The following HK1 variants were observed in gnomAD, a reference collection of about 807,000 sequenced individuals.
HK1 encodes the protein hexokinase-1.
HK1 carries 28 observed loss-of-function variants against 91.6 expected under a neutral mutation model. That is an observed-to-expected ratio of 0.31 (90% confidence interval 0.23 to 0.42). The LOEUF (loss-of-function observed/expected upper bound fraction) is 0.42, where lower values mean the gene tolerates loss of function less well. Ranked by LOEUF, HK1 falls within the 10% of genes least tolerant of loss-of-function variation. The pLI, the probability that HK1 is intolerant of heterozygous loss-of-function variation, is 1.00. For synonymous variants in HK1, 430 were observed against 468.1 expected (o/e 0.92, Z 1.05); for missense variants, 770 against 1,219.8 (o/e 0.63, Z 5.49).
At chr10:69,280,350 T>C (rs10762273) in intron 1 of HK1, among the ~76,000 whole-genome samples, 108,054 of 151,972 alleles carry the variant, frequency 0.71, 38,793 homozygotes, top group East Asian at 0.94. Context: ...ACCTCCTGAC[T>C]TTGTGATTTG....
chr10:69,313,688 G>A (rs1176844144), upstream of HK1, among the ~76,000 whole-genome samples: 1 of 152,000 alleles, frequency 6.6e-6, no homozygotes, highest in Non-Finnish European at 1.5e-5. Context: ...GTAGAGATGG[G>A]GTTTCTCCAT....
intron 3 of HK1, among the ~76,000 whole-genome samples, chr10:69,289,460 AATTTTTTTTTTTTTT>A (rs1564755546): frequency 1.1e-5 from 1 of 93,658 alleles, no homozygotes. Context: ...TAAAAAAAAA[AATTTTTTTTTTTTTT>A]TTTTTTTTTT....
chr10:69,368,466 C>A, intron 4 of HK1, 70 bp from the exon 5 acceptor site: 3 of 1,319,950 alleles, frequency 2.3e-6, no homozygotes, highest in Non-Finnish European at 3.3e-6. Flanking sequence ...TGTCCTGGAG[C>A]AATGCCCAGG....
At chr10:69,293,790 G>A (rs1411023049) in intron 3 of HK1, among the ~76,000 whole-genome samples, 1 of 151,986 alleles carries the variant, frequency 6.6e-6, no homozygotes, top group African/African-American at 2.4e-5. Flanking sequence ...TTCACATAGT[G>A]GTGGTTGCAA....
chr10:69,384,952 C>G (rs757312580), intron 12 of HK1, 37 bp downstream of exon 12: 22 of 1,613,402 alleles, frequency 1.4e-5, no homozygotes, highest in Non-Finnish European at 1.8e-5. Context: ...GATCGGGCAG[C>G]ACTGAGTCCC....
intron 1 of HK1, among the ~76,000 whole-genome samples, chr10:69,276,116 A>ATATATATATATAT (rs1369009775): frequency 4.7e-4 from 20 of 42,556 alleles, no homozygotes; most frequent in East Asian, 1.5e-3. Context: ...AAAAAAAAAA[A>ATATATATATATAT]AAATACATAT....
intron 2 of HK1, among the ~76,000 whole-genome samples, chr10:69,345,476 T>A (rs1848501192): frequency 6.6e-6 from 1 of 152,136 alleles, no homozygotes; most frequent in Non-Finnish European, 1.5e-5. Context: ...CACTGGAACC[T>A]TTCCAGGATG....
At position 69,380,140 on chromosome 10, in the gene HK1, G is replaced by A; in HGVS notation, c.1265+45G>A. ...TCATTGGCACTCTGTACCCATTGTG[G>A]GTAGGGACCTTCTCCAGAGATCAGA... On this transcript the variant is annotated intron_variant, in intron 9 of 17. Transcript: ENST00000359426. This position sits in a 1 kb window ranked among gnomAD's most constrained non-coding sequence, Gnocchi z 4.0. The A allele has an allele frequency of 6.8e-7, 1 of 1,474,894 alleles. No homozygotes were observed. Among genetic ancestry groups the A allele is most frequent in the South Asian group, 1.1e-5 (1 of 88,166 alleles). 91.4% of individuals were successfully genotyped at this position (1,474,894 alleles called of 1,614,324 possible). A position where few individuals can be genotyped will look rare whatever the true frequency, so the allele number is the denominator to read the frequency against.
chr10:69,296,984 C>T (rs1483553675), intron 4 of HK1, among the ~76,000 whole-genome samples: 1 of 151,866 alleles, frequency 6.6e-6, no homozygotes, highest in Non-Finnish European at 1.5e-5. Flanking sequence ...GATCTACTTC[C>T]CAGTGGGAAG....
At chr10:69,386,615 C>G (rs2132907626) in intron 13 of HK1, 197 bp downstream of exon 13, 1 of 430,180 alleles carries the variant, frequency 2.3e-6, no homozygotes, top group Admixed American at 3.4e-5. Flanking sequence ...AACCCTGTCT[C>G]TACTAAAGTT....
intron 5 of HK1, among the ~76,000 whole-genome samples, chr10:69,303,006 G>A (rs4746839): frequency 0.9 from 136,948 of 152,086 alleles, 61,805 homozygotes; most frequent in East Asian, 0.99. Flanking sequence ...CTCAAATGCC[G>A]CATCTTCAGA....
chr10:69,276,733 A>C (rs1844495587), intron 1 of HK1, among the ~76,000 whole-genome samples: 1 of 150,276 alleles, frequency 6.7e-6, no homozygotes, highest in East Asian at 1.9e-4. Context: ...AATTAACATA[A>C]TAATTAAACA....
chr10:69,377,605 A>G (rs1183059576), intron 8 of HK1, among the ~76,000 whole-genome samples: 1 of 152,178 alleles, frequency 6.6e-6, no homozygotes, highest in Non-Finnish European at 1.5e-5. Flanking sequence ...GATTGGGAAT[A>G]TGGCACATTT....
intron 9 of HK1, among the ~76,000 whole-genome samples, chr10:69,381,867 T>C (rs887274036): frequency 1.3e-5 from 2 of 152,228 alleles, no homozygotes; most frequent in Non-Finnish European, 2.9e-5. Context: ...CATCTGACTT[T>C]TGAACACCGT....
intron 2 of HK1, among the ~76,000 whole-genome samples, chr10:69,284,391 T>C (rs1268983241): frequency 6.6e-6 from 1 of 152,178 alleles, no homozygotes; most frequent in Non-Finnish European, 1.5e-5. Flanking sequence ...TGCTAATTTA[T>C]TGAATTTAAT....
At chr10:69,349,344 G>C (rs1326940278) in intron 2 of HK1, among the ~76,000 whole-genome samples, 1 of 152,136 alleles carries the variant, frequency 6.6e-6, no homozygotes, top group Non-Finnish European at 1.5e-5. Context: ...GCTATCATCA[G>C]GATCAAATGA....
intron 2 of HK1, among the ~76,000 whole-genome samples, chr10:69,357,743 G>A (rs1849203896): frequency 1.3e-5 from 2 of 152,038 alleles, no homozygotes; most frequent in Non-Finnish European, 1.5e-5. Context: ...ATGAGCCACC[G>A]CACCTGGCCA....
chr10:69,368,706 T>A, intron 5 of HK1, 75 bp downstream of exon 5: 3 of 1,162,366 alleles, frequency 2.6e-6, no homozygotes, highest in Non-Finnish European at 3.9e-6. Flanking sequence ...AACAGACCAG[T>A]GCCCTTCCTG....
intron 1 of HK1, among the ~76,000 whole-genome samples, chr10:69,339,572 GC>G (rs1848193400): frequency 1.3e-5 from 2 of 152,214 alleles, no homozygotes; most frequent in Non-Finnish European, 1.5e-5. Flanking sequence ...CTCTGTGTCT[GC>G]AGCCTGCTTT....
Sources: gnomAD v4.1 joint callset for allele counts (sites outside exome capture counted in the v4.1 genomes callset) on GRCh38, gnomAD v4.1.1 for gene constraint, Gnocchi (gnomAD v3.1) non-coding constraint, MANE v1.5 for transcripts, NCBI Gene and HGNC (gene_info 2026-07-23, HGNC 2026-07-21) for gene names.